Variants in RANBP2 observed in about 807,000 individuals in gnomAD.
RANBP2 encodes E3 SUMO-protein ligase RanBP2.
In RANBP2, 57 loss-of-function variants were observed where a neutral mutation model predicts 303.6. The observed-to-expected ratio is 0.19, with a 90% CI of 0.15 to 0.23. The LOEUF is 0.23. Ranked by LOEUF, RANBP2 falls within the 10% of genes least tolerant of loss-of-function variation. RANBP2 has a pLI of 1.00. For missense variants in RANBP2, 3,138 were observed against 3,780.8 expected (o/e 0.83, Z 4.46); for synonymous variants, 1,167 against 1,301.5 (o/e 0.90, Z 2.23).
the RANBP2 span, among the ~76,000 whole-genome samples, chr2:109,536,791 G>T: frequency 6.6e-6 from 1 of 152,132 alleles, no homozygotes; most frequent in African/African-American, 2.4e-5. Flanking sequence ...ATTGAATCAT[G>T]GGGACGTCTT....
chr2:109,645,157 C>T, the RANBP2 span, among the ~76,000 whole-genome samples: 1 of 152,192 alleles, frequency 6.6e-6, no homozygotes, highest in African/African-American at 2.4e-5. Flanking sequence ...TTCTCAGGCA[C>T]GCCTTCATGG....
chr2:109,411,621 T>G, the RANBP2 span, among the ~76,000 whole-genome samples: 1 of 152,180 alleles, frequency 6.6e-6, no homozygotes, highest in Non-Finnish European at 1.5e-5. Flanking sequence ...TTAGTTTTCA[T>G]ATCCCTGAGG....
At chr2:109,333,888 A>AAAATAATACTTGTCTCCT in the RANBP2 span, among the ~76,000 whole-genome samples, 1 of 152,244 alleles carries the variant, frequency 6.6e-6, no homozygotes, top group South Asian at 2.1e-4. Context: ...TGATATCACC[A>AAAATAATACTTGTCTCCT]AAATAATACT....
the RANBP2 span, among the ~76,000 whole-genome samples, chr2:109,133,036 C>T: frequency 4.6e-5 from 7 of 152,154 alleles, no homozygotes; most frequent in Non-Finnish European, 8.8e-5. Context: ...CGGCTAGGCA[C>T]TATTATAGGT....
At chr2:109,685,033 C>T in the RANBP2 span, among the ~76,000 whole-genome samples, 2 of 151,478 alleles carry the variant, frequency 1.3e-5, no homozygotes, top group African/African-American at 2.4e-5. Context: ...ACCATCATGC[C>T]TGGATAATTT....
chr2:109,241,968 G>A, the RANBP2 span, among the ~76,000 whole-genome samples: 1 of 151,926 alleles, frequency 6.6e-6, no homozygotes, highest in Non-Finnish European at 1.5e-5. Context: ...TGCTTTCATG[G>A]TGGTTTTCTT....
At chr2:108,823,144 A>T in the RANBP2 span, among the ~76,000 whole-genome samples, 2 of 152,226 alleles carry the variant, frequency 1.3e-5, no homozygotes, top group Admixed American at 6.5e-5. Flanking sequence ...ATCACTAATT[A>T]CAAAAAAACC....
chr2:109,404,153 T>C, the RANBP2 span, among the ~76,000 whole-genome samples: 178 of 152,128 alleles, frequency 1.2e-3, 1 homozygote, highest in Non-Finnish European at 2.0e-3. Context: ...CCGAGACCAC[T>C]GCAGGATGGG....
the RANBP2 span, among the ~76,000 whole-genome samples, chr2:109,632,195 T>C: frequency 2.1e-4 from 32 of 152,318 alleles, no homozygotes; most frequent in Admixed American, 1.8e-3. Flanking sequence ...AGCTCTGCAT[T>C]TGGGACCCTC....
chr2:109,598,828 C>A, the RANBP2 span, among the ~76,000 whole-genome samples: 1 of 151,742 alleles, frequency 6.6e-6, no homozygotes, highest in South Asian at 2.1e-4. Context: ...TGCAGTGAGC[C>A]CAGATCACAC....
chr2:109,263,388 A>AT, the RANBP2 span, among the ~76,000 whole-genome samples: 1 of 152,098 alleles, frequency 6.6e-6, no homozygotes. Flanking sequence ...TTTTGTCTTT[A>AT]TTTTTTATAG....
chr2:108,929,355 CGTCTTTG>C, the RANBP2 span: 2 of 1,614,130 alleles, frequency 1.2e-6, no homozygotes, highest in Non-Finnish European at 8.5e-7. Context: ...CCGTAGTCCT[CGTCTTTG>C]GTGCCGTAGC....
chr2:109,736,094 C>T, the RANBP2 span, among the ~76,000 whole-genome samples: 28 of 152,128 alleles, frequency 1.8e-4, no homozygotes, highest in Non-Finnish European at 3.8e-4. Flanking sequence ...TTTCATACAC[C>T]GTAAATTCTA....
At chr2:109,248,856 TC>T in the RANBP2 span, among the ~76,000 whole-genome samples, 1 of 128,920 alleles carries the variant, frequency 7.8e-6, no homozygotes, top group Non-Finnish European at 1.6e-5. Flanking sequence ...TTTTCCTTTT[TC>T]CTTTCCTTTT....
chr2:108,909,118 G>A, the RANBP2 span, among the ~76,000 whole-genome samples: 143 of 152,278 alleles, frequency 9.4e-4, 1 homozygote, highest in African/African-American at 3.2e-3. Flanking sequence ...TTTAATATTC[G>A]TGTATGAAAG....
the RANBP2 span, among the ~76,000 whole-genome samples, chr2:109,489,761 G>A: frequency 6.8e-3 from 1,030 of 150,960 alleles, 9 homozygotes; most frequent in Non-Finnish European, 0.011. Flanking sequence ...CGGGGGGGAC[G>A]GAGTCTCGCT....
At chr2:108,953,435 C>T in the RANBP2 span, among the ~76,000 whole-genome samples, 22 of 152,232 alleles carry the variant, frequency 1.4e-4, no homozygotes, top group African/African-American at 5.1e-4. Flanking sequence ...CTCATTAAGA[C>T]ATCCTCTCTG....
the RANBP2 span, among the ~76,000 whole-genome samples, chr2:109,192,521 AGAG>A: frequency 3.9e-5 from 6 of 152,320 alleles, no homozygotes; most frequent in Middle Eastern, 6.8e-3. Flanking sequence ...CCTTTCTTAT[AGAG>A]ATTTGGTAAT....
chr2:109,064,271 C>T, the RANBP2 span, among the ~76,000 whole-genome samples: 1 of 151,810 alleles, frequency 6.6e-6, no homozygotes, highest in Admixed American at 6.6e-5. Flanking sequence ...AGATCAAGAC[C>T]ACGGTGAAAC....
Sources: allele counts gnomAD v4.1 joint callset (sites outside exome capture counted in the v4.1 genomes callset), GRCh38; gene constraint gnomAD v4.1.1; transcripts MANE v1.5; gene names NCBI Gene and HGNC (gene_info 2026-07-23, HGNC 2026-07-21).